DCBLD1: variants seen among roughly 807,000 people sequenced by gnomAD.
The protein encoded by DCBLD1 is discoidin, CUB and LCCL domain-containing protein 1.
A neutral mutation model predicts 71.5 loss-of-function variants in DCBLD1; 57 were observed. That is an observed-to-expected ratio of 0.80 (90% CI 0.64 to 0.99). DCBLD1 has a LOEUF of 0.99. Ranked by LOEUF, DCBLD1 falls within the 50% of genes least tolerant of loss-of-function variation. The pLI, the probability that DCBLD1 is intolerant of heterozygous loss-of-function variation, is 0.00. For missense variants in DCBLD1, 891 were observed against 923.5 expected, an observed-to-expected ratio of 0.96 and a Z score of 0.46; for synonymous variants, 380 against 363.8, an observed-to-expected ratio of 1.04 and a Z score of -0.51.
In DCBLD1 at chr6:117,547,962, C is replaced by T. The variant is rs1419687651; in HGVS notation, c.1671C>T (p.Thr557=). Residue 557 remains threonine (T), a synonymous_variant, in exon 15 of 15, where the codon ACC becomes ACT. Coordinates refer to ENST00000338728, the MANE Select transcript of DCBLD1 (RefSeq NM_001366458.2). ...GGACAGTCACGAGGAAGGGCTCCAC[C>T]TTCCGGCCCATGGACACGGATGCCG... ...GTGTVTRKGS[T]FRPMDTDAEE... 4 of 1,550,518 alleles carry T rather than the reference C, an allele frequency of 2.6e-6. No individual in the cohort carries two copies. The African/African-American group carries it at 5.5e-5, about 21-fold the overall frequency.
At chr6:117,506,904 A>C (rs1337735194) in intron 2 of DCBLD1, among the ~76,000 whole-genome samples, 1 of 152,246 alleles carries the variant, frequency 6.6e-6, no homozygotes, top group African/African-American at 2.4e-5. Flanking sequence ...ATTCCAAAAT[A>C]TGGTGGCTTC....
chr6:117,537,562 A>G (rs1321403000), intron 7 of DCBLD1, among the ~76,000 whole-genome samples: 1 of 150,680 alleles, frequency 6.6e-6, no homozygotes, highest in East Asian at 1.9e-4. Flanking sequence ...TTGATATTTT[A>G]AAAGTCTTCA....
chr6:117,556,550 C>T (rs1410040819), intron 14 of DCBLD1, among the ~76,000 whole-genome samples: 1 of 152,198 alleles, frequency 6.6e-6, no homozygotes, highest in Admixed American at 6.5e-5. Context: ...GACATGATTT[C>T]ATTCCTTTTT....
chr6:117,504,284 G>T (rs1777764139), intron 2 of DCBLD1, among the ~76,000 whole-genome samples: 1 of 152,150 alleles, frequency 6.6e-6, no homozygotes, highest in Non-Finnish European at 1.5e-5. Flanking sequence ...TTATTCATTT[G>T]ACAAATATTT....
At position 117,548,606 on chromosome 6, in the gene DCBLD1, T is replaced by C. The variant is rs1779359703; in HGVS notation, c.*167T>C. 3 of 1,435,814 alleles carry C rather than the reference T, an allele frequency of 2.1e-6. No homozygotes were observed. Among genetic ancestry groups the C allele is most frequent in the Non-Finnish European group, 1.8e-6 (2 of 1,099,412 alleles). The allele number at this position is 1,435,814 out of a possible 1,614,324, so 88.9% of individuals were successfully genotyped here. ...CCTAGAGACAACCTGTCATACTGTT[T>C]ACAAAATTGTGCAGCTGGTTTCGTG... On this transcript the variant is annotated 3_prime_UTR_variant, in exon 15 of 15. Coordinates refer to ENST00000338728, the MANE Select transcript of DCBLD1 (RefSeq NM_001366458.2).
At chr6:117,539,508 G>A (rs1169241904) in intron 9 of DCBLD1, 129 bp downstream of exon 9, 1 of 1,091,880 alleles carries the variant, frequency 9.2e-7, no homozygotes, top group Non-Finnish European at 1.2e-6. Context: ...GTTCATGCCT[G>A]TAATCCCCAA....
At chr6:117,568,250 C>T (rs2114605422) in intron 14 of DCBLD1, among the ~76,000 whole-genome samples, 1 of 152,016 alleles carries the variant, frequency 6.6e-6, no homozygotes, top group South Asian at 2.1e-4. Context: ...GAAAAATTTC[C>T]AAGCTATAAT....
At chr6:117,518,538 T>G (rs113068511) in intron 2 of DCBLD1, among the ~76,000 whole-genome samples, 1 of 152,346 alleles carries the variant, frequency 6.6e-6, no homozygotes, top group African/African-American at 2.4e-5. Flanking sequence ...TTCATGCTGC[T>G]GATAAGGACA....
chr6:117,535,893 C>T (rs1778866988), intron 6 of DCBLD1, among the ~76,000 whole-genome samples: 1 of 152,162 alleles, frequency 6.6e-6, no homozygotes, highest in African/African-American at 2.4e-5. Context: ...TAACTGTGAA[C>T]TTAGGCAAGT....
At chr6:117,537,003 A>G (rs1222223071) in intron 6 of DCBLD1, among the ~76,000 whole-genome samples, 182 bp from the exon 7 acceptor site, 1 of 152,164 alleles carries the variant, frequency 6.6e-6, no homozygotes, top group Non-Finnish European at 1.5e-5. Flanking sequence ...CCGTGGGCCT[A>G]AGTTTCCTGT....
chr6:117,482,882 C>G lies in DCBLD1; in HGVS notation c.101C>G (p.Ala34Gly). 6 of 1,195,566 alleles carry G rather than the reference C, an allele frequency of 5.0e-6. No individual in the cohort carries two copies. The highest frequency in any genetic ancestry group is 6.2e-6 in the Non-Finnish European group (6 of 962,158). 74.1% of individuals were successfully genotyped at this position (1,195,566 alleles called of 1,614,324 possible). A position where few individuals can be genotyped will look rare whatever the true frequency, so the allele number is the denominator to read the frequency against. Residue 34 changes from alanine to glycine, a missense_variant, in exon 1 of 15, where the codon GCG becomes GGG. Transcript: ENST00000338728. ...LAVSAPLRLQ[A>G]EELGDGCGHL... The stretch of plus-strand genomic sequence containing the variant: ...GTCTCCGCCCCGCTCCGGCTGCAGG[C>G]GGAGGAGCTGGGTGAGTGGAGCGCG...
intron 8 of DCBLD1, 180 bp from the exon 9 acceptor site, chr6:117,539,075 G>A (rs1214094617): frequency 4.3e-6 from 3 of 692,456 alleles, no homozygotes; most frequent in Admixed American, 3.2e-5. Flanking sequence ...TTTATATGGT[G>A]TATTGTCAGT....
At chr6:117,540,454 AT>A (rs1583026692) in intron 9 of DCBLD1, 2 of 528,892 alleles carry the variant, frequency 3.8e-6, no homozygotes, top group Non-Finnish European at 6.6e-6. Context: ...CCAAAATGAA[AT>A]TTAAATCAGT....
At chr6:117,494,728 C>T (rs1777413972) in intron 1 of DCBLD1, 1 of 152,084 alleles carries the variant, frequency 6.6e-6, no homozygotes. Flanking sequence ...AATCAAGTCA[C>T]ATAATATAAC....
rs752877666 is a variant in DCBLD1, at chr6:117,540,934, G to A, written c.1266G>A (p.Val422=). 1.9e-6 allele frequency: 3 copies of A among 1,613,868 alleles called. No individual in the cohort carries two copies. The Admixed American group carries it at 5.0e-5, about 27-fold the overall frequency. The change falls in exon 11 of 15, where the codon GTG becomes GTA. Residue 422 remains valine, a synonymous_variant. Transcript: ENST00000338728. ...CTCTCTCAGGTAATGATTCATTGGT[G>A]TGGCGCAAGACAAGTCAAAGCACCA... ...CQITQGNDSL[V]WRKTSQSTSV...
rs541472965 is a variant in DCBLD1, at chr6:117,512,444, T to A, written c.326-7372T>A. ...TTTTCAAAGAAAATGGCCTTGAAAA[T>A]TCTGTAATGTTGTACAATGACCCTA... On this transcript the variant is annotated intron_variant, in intron 2 of 14. Transcript: ENST00000338728. Among the ~76,000 whole-genome samples, 44 of 152,242 alleles carry A rather than the reference T, an allele frequency of 2.9e-4. No individual in the cohort carries two copies. In the South Asian group the frequency reaches 8.7e-3, roughly 30 times the overall value.
Position 117,532,315 on chromosome 6 carries a change from G to C in DCBLD1, c.641G>C (p.Gly214Ala). 6.2e-7 allele frequency: 1 copy of C among 1,613,776 alleles called. No homozygotes were observed. The highest frequency in any genetic ancestry group is 1.7e-4 in the Middle Eastern group (1 of 6,056). The change falls in exon 6 of 15, where the codon GGT becomes GCT. Residue 214 changes from glycine to alanine, a missense_variant. Gly to Ala is a moderately conservative substitution (Grantham distance 60, BLOSUM62 0). Coordinates refer to ENST00000338728, the MANE Select transcript of DCBLD1 (RefSeq NM_001366458.2). ...IHAGIIADEL[G>A]GQISVLQRKG... ...GCAGGAATAATTGCTGATGAACTAG[G>C]TGGCCAGATCAGTGTGCTTCAGCGC...
At chr6:117,525,457 A>G in intron 5 of DCBLD1, 23 bp downstream of exon 5, 1 of 1,442,882 alleles carries the variant, frequency 6.9e-7, no homozygotes, top group Admixed American at 2.4e-5. Flanking sequence ...GGGTAATGGC[A>G]GAGAATGAAT....
At chr6:117,521,859 C>T (rs1281770916) in intron 4 of DCBLD1, among the ~76,000 whole-genome samples, 2 of 152,140 alleles carry the variant, frequency 1.3e-5, no homozygotes, top group African/African-American at 2.4e-5. Flanking sequence ...CCATAGACAC[C>T]ATGTATACAC....
Sources: gnomAD v4.1 joint callset for allele counts (sites outside exome capture counted in the v4.1 genomes callset) on GRCh38, gnomAD v4.1.1 for gene constraint, MANE v1.5 for transcripts, NCBI Gene and HGNC (gene_info 2026-07-23, HGNC 2026-07-21) for gene names.